Variants in ARMCX4 observed in about 807,000 individuals in gnomAD.
ARMCX4 encodes armadillo repeat-containing X-linked protein 4.
A neutral mutation model predicts 34.7 loss-of-function variants in ARMCX4; 3 were observed. The observed-to-expected ratio is 0.09, with a 90% CI of 0.04 to 0.22. ARMCX4 has a LOEUF of 0.22. ARMCX4 is among the 10% of genes least tolerant of loss of function. The pLI, the probability that ARMCX4 is intolerant of heterozygous loss-of-function variation, is 1.00. For missense variants in ARMCX4, 1,448 were observed against 1,720.8 expected (o/e 0.84, Z 2.81); for synonymous variants, 513 against 632.8 (o/e 0.81, Z 2.84).
intron 2 of ARMCX4, among the ~76,000 whole-genome samples, chrX:101,420,049 G>T (rs1929142598): frequency 8.9e-6 from 1 of 112,374 alleles, no homozygotes; most frequent in Non-Finnish European, 1.9e-5. Flanking sequence ...TGACCTGCCA[G>T]GGTACAATTC....
At chrX:101,504,880 G>A (rs1556014759) in intron 7 of ARMCX4, 1 of 111,689 alleles carries the variant, frequency 9.0e-6, no homozygotes, top group Admixed American at 9.5e-5. Context: ...ATATAATCTG[G>A]AGTGAGGAAT....
chrX:101,494,131 G>T lies in ARMCX4; in HGVS notation c.5542G>T (p.Gly1848Trp). 2 of 1,083,503 alleles carry T rather than the reference G, an allele frequency of 1.8e-6. No homozygotes were observed. The highest frequency in any genetic ancestry group is 2.4e-6 in the Non-Finnish European group (2 of 828,550). 89.3% of individuals were successfully genotyped at this position (1,083,503 alleles called of 1,213,427 possible). The change falls in exon 6 of 6, where the codon GGG becomes TGG. Residue 1848 changes from glycine to tryptophan, a missense_variant. Gly to Trp is a radical substitution (Grantham distance 184, BLOSUM62 -2). This residue lies in a region of ARMCX4 where 1,343 missense variants were observed against 1,540.7 expected (regional missense o/e 0.87). Coordinates refer to ENST00000423738, the MANE Select transcript of ARMCX4 (RefSeq NM_001256155.3). Reference sequence around the variant, plus strand: ...TGGGGCTGGGCCTGGGACTGAGTCTGGGGCTGGGATTTGGTCCTGGGATGG... The same window carrying T: ...TGGGGCTGGGCCTGGGACTGAGTCTTGGGCTGGGATTTGGTCCTGGGATGG... ...GAGAGPGTES[G>W]AGIWSWDGDA...
intron 11 of ARMCX4, among the ~76,000 whole-genome samples, chrX:101,522,889 C>A (rs141618043): frequency 0.017 from 1,915 of 112,218 alleles, 37 homozygotes; most frequent in African/African-American, 0.059. Context: ...GGAGAAAAGA[C>A]AGAATTATAA....
chrX:101,520,579 G>T (rs1934829006), intron 11 of ARMCX4, among the ~76,000 whole-genome samples: 1 of 112,092 alleles, frequency 8.9e-6, no homozygotes, highest in Non-Finnish European at 1.9e-5. Flanking sequence ...TTGATTTTCA[G>T]ATGTTAACCT....
chrX:101,529,004 A>C (rs1935053577), intron 11 of ARMCX4, among the ~76,000 whole-genome samples: 1 of 111,712 alleles, frequency 9.0e-6, no homozygotes, highest in African/African-American at 3.3e-5. Context: ...ATATGGAACC[A>C]AAAAAGAGCC....
chrX:101,499,774 T>C (rs1379015875), downstream of ARMCX4, among the ~76,000 whole-genome samples: 2 of 111,877 alleles, frequency 1.8e-5, no homozygotes, highest in Non-Finnish European at 3.8e-5. Context: ...AGACAGTTAA[T>C]AGGACATGGA....
chrX:101,438,489 C>T (rs781974683), intron 2 of ARMCX4, among the ~76,000 whole-genome samples: 10 of 110,922 alleles, frequency 9.0e-5, no homozygotes, highest in East Asian at 8.5e-4. Context: ...GGCGTGAACC[C>T]GGGAGGCAGA....
In ARMCX4 at chrX:101,489,391, T is replaced by A. The variant is rs1231841481; in HGVS notation, c.802T>A (p.Ser268Thr). Residue 268 changes from serine (S) to threonine (T), a missense_variant, in exon 6 of 6, where the codon TCC (serine) becomes ACC (threonine). Coordinates refer to ENST00000423738, the MANE Select transcript of ARMCX4 (RefSeq NM_001256155.3). ...VDARGNPNGM[S>T]REVAGVDMKS... ...TGCTAGGGGAAATCCCAATGGCATG[T>A]CCAGGGAGGTGGCTGGAGTGGACAT... 2 of 1,153,498 alleles carry A rather than the reference T, an allele frequency of 1.7e-6. No homozygotes were observed. Among genetic ancestry groups the A allele is most frequent in the African/African-American group, 3.6e-5 (2 of 55,511 alleles).
downstream of ARMCX4, among the ~76,000 whole-genome samples, chrX:101,449,486 A>C (rs1555998698): frequency 8.9e-6 from 1 of 111,955 alleles, no homozygotes; most frequent in Non-Finnish European, 1.9e-5. Flanking sequence ...CCATTCTGCT[A>C]TTAAGGGACT....
intron 8 of ARMCX4, among the ~76,000 whole-genome samples, chrX:101,507,860 C>T (rs980098806): frequency 1.8e-5 from 2 of 112,072 alleles, no homozygotes; most frequent in Non-Finnish European, 3.8e-5. Context: ...TACAGTCATG[C>T]ACTGCATAAC....
At chrX:101,455,916 G>A (rs1162973619) in intron 4 of ARMCX4, among the ~76,000 whole-genome samples, 1 of 111,150 alleles carries the variant, frequency 9.0e-6, no homozygotes, top group Non-Finnish European at 1.9e-5. Context: ...CGAGACATAC[G>A]GTTTTCTGTT....
At chrX:101,433,049 T>C (rs985373620) in intron 2 of ARMCX4, among the ~76,000 whole-genome samples, 1 of 109,980 alleles carries the variant, frequency 9.1e-6, no homozygotes. Context: ...TACACACATA[T>C]GTATACATAC....
intron 4 of ARMCX4, among the ~76,000 whole-genome samples, chrX:101,471,589 C>T (rs1932905857): frequency 9.0e-6 from 1 of 111,710 alleles, no homozygotes; most frequent in South Asian, 3.8e-4. Flanking sequence ...AGTGGTTCTC[C>T]CAGCACGCAG....
At chrX:101,430,336 G>A (rs1206881757) in intron 2 of ARMCX4, among the ~76,000 whole-genome samples, 1 of 111,910 alleles carries the variant, frequency 8.9e-6, no homozygotes, top group Admixed American at 9.5e-5. Flanking sequence ...ACTGATATTT[G>A]TTGAATGATT....
chrX:101,531,267 T>A (rs1023364254), intron 11 of ARMCX4, among the ~76,000 whole-genome samples: 1 of 111,957 alleles, frequency 8.9e-6, no homozygotes, highest in African/African-American at 3.2e-5. Flanking sequence ...ATTCTTAACA[T>A]AATCACATCT....
At chrX:101,472,827 C>T (rs1556003361) in intron 4 of ARMCX4, among the ~76,000 whole-genome samples, 1 of 90,410 alleles carries the variant, frequency 1.1e-5, no homozygotes, top group Non-Finnish European at 2.1e-5. Flanking sequence ...TGGAAAGGAA[C>T]AGCCGGTACC....
At chrX:101,457,671 G>A (rs918200905) in intron 4 of ARMCX4, among the ~76,000 whole-genome samples, 2 of 110,991 alleles carry the variant, frequency 1.8e-5, no homozygotes, top group Non-Finnish European at 1.9e-5. Flanking sequence ...GCAGTGAGCC[G>A]AGATCGCGCC....
chrX:101,439,953 A>G (rs1223210052), intron 2 of ARMCX4, among the ~76,000 whole-genome samples: 9 of 111,504 alleles, frequency 8.1e-5, no homozygotes, highest in African/African-American at 2.9e-4. Context: ...TAGTTTGATC[A>G]TCTGAAGCCT....
At chrX:101,467,616 G>A (rs1176864829) in intron 4 of ARMCX4, among the ~76,000 whole-genome samples, 1 of 112,056 alleles carries the variant, frequency 8.9e-6, no homozygotes, top group East Asian at 2.8e-4. Flanking sequence ...TATAGCACCT[G>A]ATGATACAAG....
Sources: allele counts gnomAD v4.1 joint callset (sites outside exome capture counted in the v4.1 genomes callset), GRCh38; gene constraint gnomAD v4.1.1; regional missense constraint gnomAD v4.1.1; transcripts MANE v1.5; gene names NCBI Gene and HGNC (gene_info 2026-07-23, HGNC 2026-07-21).